The following EPB41L4A variants were observed in gnomAD, a reference collection of about 807,000 sequenced individuals.
EPB41L4A encodes the protein erythrocyte membrane protein band 4.1 like 4A.
EPB41L4A carries 100 observed loss-of-function variants against 108.6 expected under a neutral mutation model. That is an observed-to-expected ratio of 0.92 (90% CI 0.78 to 1.09). EPB41L4A has a LOEUF of 1.09. Ranked by LOEUF, EPB41L4A falls within the 50% of genes least tolerant of loss-of-function variation. The probability of loss-of-function intolerance (pLI) is 0.00; values close to 1 mark genes in which losing one functional copy is unlikely to be tolerated. For missense variants in EPB41L4A, 1,030 were observed against 842.7 expected (o/e 1.22, Z -2.75); for synonymous variants, 319 against 289.0 (o/e 1.10, Z -1.05).
chr5:112,419,667 G>A (rs1311490193), upstream of EPB41L4A: 5 of 456,504 alleles, frequency 1.1e-5, no homozygotes, highest in South Asian at 3.1e-5. Context: ...CAGGGGCAGA[G>A]GCGAAGGTCG....
intron 1 of EPB41L4A, among the ~76,000 whole-genome samples, chr5:112,332,978 A>C (rs868129121): frequency 3.9e-5 from 6 of 152,242 alleles, no homozygotes; most frequent in Middle Eastern, 3.2e-3. Context: ...TGTGGTATGG[A>C]AAGAAGAGAG....
chr5:112,209,552 T>G (rs1762630750), intron 13 of EPB41L4A, among the ~76,000 whole-genome samples: 1 of 152,224 alleles, frequency 6.6e-6, no homozygotes, highest in African/African-American at 2.4e-5. Context: ...GAATATCATC[T>G]ACTTTATTTT....
chr5:112,240,877 C>G (rs1223157588), intron 9 of EPB41L4A, 67 bp from the exon 10 acceptor site: 1 of 934,186 alleles, frequency 1.1e-6, no homozygotes, highest in African/African-American at 1.7e-5. Flanking sequence ...CTTCAAATAA[C>G]AGCCCCCTTT....
chr5:112,193,550 C>A (rs923745948), intron 17 of EPB41L4A, among the ~76,000 whole-genome samples: 5 of 152,222 alleles, frequency 3.3e-5, no homozygotes, highest in African/African-American at 7.2e-5. Context: ...ATCTGCCTGC[C>A]TTGGCCTCCC....
intron 1 of EPB41L4A, among the ~76,000 whole-genome samples, chr5:112,415,889 G>A (rs1762688294): frequency 6.6e-6 from 1 of 152,038 alleles, no homozygotes; most frequent in African/African-American, 2.4e-5. Flanking sequence ...CTATCAAGGT[G>A]AGGTTGCCCC....
chr5:112,351,942 TAAC>T (rs1360569912), intron 1 of EPB41L4A, among the ~76,000 whole-genome samples: 3 of 152,130 alleles, frequency 2.0e-5, no homozygotes, highest in Non-Finnish European at 4.4e-5. Flanking sequence ...TGATAAAATG[TAAC>T]ATTCTTTTAT....
intron 4 of EPB41L4A, among the ~76,000 whole-genome samples, chr5:112,267,986 G>A (rs10478074): frequency 0.21 from 32,467 of 152,164 alleles, 3,632 homozygotes; most frequent in East Asian, 0.27. Context: ...TTCCCTGAAT[G>A]TTCACCTGAG....
At chr5:112,300,713 T>C (rs1754297117) in intron 2 of EPB41L4A, among the ~76,000 whole-genome samples, 1 of 152,228 alleles carries the variant, frequency 6.6e-6, no homozygotes, top group Admixed American at 6.5e-5. Context: ...GGGGAAGCTG[T>C]ACTAGATTAT....
chr5:112,393,275 A>C (rs1260043454), intron 1 of EPB41L4A, among the ~76,000 whole-genome samples: 1 of 152,128 alleles, frequency 6.6e-6, no homozygotes, highest in African/African-American at 2.4e-5. Context: ...ACACAAAAAA[A>C]CCATCAAAAA....
At chr5:112,345,606 A>T (rs1372409832) in intron 1 of EPB41L4A, among the ~76,000 whole-genome samples, 1 of 152,110 alleles carries the variant, frequency 6.6e-6, no homozygotes, top group Non-Finnish European at 1.5e-5. Flanking sequence ...TACAAATCTT[A>T]AGAATACAGT....
At chr5:112,335,493 G>C (rs888174456) in intron 1 of EPB41L4A, among the ~76,000 whole-genome samples, 1 of 152,318 alleles carries the variant, frequency 6.6e-6, no homozygotes, top group South Asian at 2.1e-4. Context: ...AGACATTCAT[G>C]TCTATTAAAT....
intron 9 of EPB41L4A, among the ~76,000 whole-genome samples, chr5:112,244,901 C>A (rs1750096096): frequency 6.6e-6 from 1 of 152,064 alleles, no homozygotes; most frequent in African/African-American, 2.4e-5. Flanking sequence ...TACCTAATTC[C>A]TTCTTAGCTC....
At chr5:112,387,312 T>C (rs1171007270) in intron 1 of EPB41L4A, among the ~76,000 whole-genome samples, 6 of 152,010 alleles carry the variant, frequency 3.9e-5, no homozygotes, top group Admixed American at 3.9e-4. Context: ...ATCTATAAGG[T>C]AAAGAACTGC....
chr5:112,241,622 A>T (rs1749791545), intron 9 of EPB41L4A, among the ~76,000 whole-genome samples: 1 of 152,236 alleles, frequency 6.6e-6, no homozygotes, highest in Non-Finnish European at 1.5e-5. Context: ...ATTAGGAATC[A>T]TAAGTAATCT....
chr5:112,407,787 G>A (rs1376586057), intron 1 of EPB41L4A, among the ~76,000 whole-genome samples: 1 of 152,174 alleles, frequency 6.6e-6, no homozygotes, highest in East Asian at 1.9e-4. Context: ...ACAGTTTTAA[G>A]TTACAAAAGC....
chr5:112,305,709 A>C (rs543503891), intron 2 of EPB41L4A, among the ~76,000 whole-genome samples: 1 of 152,290 alleles, frequency 6.6e-6, no homozygotes, highest in Non-Finnish European at 1.5e-5. Flanking sequence ...AATGTTTACA[A>C]ATCATCTCTA....
At chr5:112,188,397 G>C (rs571771322) in intron 17 of EPB41L4A, among the ~76,000 whole-genome samples, 1 of 151,742 alleles carries the variant, frequency 6.6e-6, no homozygotes, top group African/African-American at 2.4e-5. Context: ...TATTCCTTAC[G>C]TGCCCACTAC....
chr5:112,288,576 C>T (rs540749814), intron 2 of EPB41L4A, among the ~76,000 whole-genome samples: 1 of 152,322 alleles, frequency 6.6e-6, no homozygotes, highest in East Asian at 1.9e-4. Context: ...GAAATCACCA[C>T]ATGTGTCTGG....
At chr5:112,280,981 G>C (rs1752929546) in intron 2 of EPB41L4A, among the ~76,000 whole-genome samples, 1 of 152,174 alleles carries the variant, frequency 6.6e-6, no homozygotes, top group Non-Finnish European at 1.5e-5. Context: ...GGATCCAGGA[G>C]AGCAGTTCAG....
Sources: allele counts gnomAD v4.1 joint callset (sites outside exome capture counted in the v4.1 genomes callset), GRCh38; gene constraint gnomAD v4.1.1; transcripts MANE v1.5; gene names NCBI Gene and HGNC (gene_info 2026-07-23, HGNC 2026-07-21).